KDM2A: variants seen among roughly 807,000 people sequenced by gnomAD.
KDM2A encodes the protein lysine demethylase 2A.
Under a neutral mutation model 137.3 loss-of-function variants are expected in KDM2A, and 3 were observed. That is an observed-to-expected ratio of 0.02 (90% confidence interval 0.01 to 0.06). The LOEUF (loss-of-function observed/expected upper bound fraction) is 0.06. KDM2A is among the 10% of genes least tolerant of loss of function. The pLI, the probability that KDM2A is intolerant of heterozygous loss-of-function variation, is 1.00. For synonymous variants in KDM2A, 512 were observed against 541.5 expected, an observed-to-expected ratio of 0.95 and a Z score of 0.76; for missense variants, 738 against 1,510.6, an observed-to-expected ratio of 0.49 and a Z score of 8.48.
At chr11:67,192,545 A>G (rs913900070) in intron 5 of KDM2A, among the ~76,000 whole-genome samples, 11 of 145,608 alleles carry the variant, frequency 7.6e-5, no homozygotes, top group African/African-American at 2.9e-4. Context: ...CCCAGGTTCA[A>G]GCGATTCTCC....
intron 2 of KDM2A, among the ~76,000 whole-genome samples, chr11:67,172,617 TGTGTGTGTG>T (rs999822328): frequency 1.4e-4 from 1 of 7,018 alleles, no homozygotes; most frequent in Non-Finnish European, 4.5e-4. Context: ...CTCTTATAGT[TGTGTGTGTG>T]TGTGTGTGTG....
At chr11:67,203,486 AT>A (rs1857708167) in intron 5 of KDM2A, among the ~76,000 whole-genome samples, 1 of 147,518 alleles carries the variant, frequency 6.8e-6, no homozygotes, top group Non-Finnish European at 1.5e-5. Context: ...ATTAATATAT[AT>A]TAATATATTT....
intron 2 of KDM2A, among the ~76,000 whole-genome samples, chr11:67,152,381 C>A (rs1451444193): frequency 6.6e-6 from 1 of 151,912 alleles, no homozygotes; most frequent in African/African-American, 2.4e-5. Flanking sequence ...TTTTGCGAGG[C>A]TGAGGTTGGA....
At chr11:67,140,198 T>C (rs2136292794) in intron 2 of KDM2A, among the ~76,000 whole-genome samples, 1 of 151,894 alleles carries the variant, frequency 6.6e-6, no homozygotes, top group African/African-American at 2.4e-5. Flanking sequence ...AAATCCCGTC[T>C]CTCCAAAAAA....
At chr11:67,140,208 A>G (rs1856066853) in intron 2 of KDM2A, among the ~76,000 whole-genome samples, 1 of 152,024 alleles carries the variant, frequency 6.6e-6, no homozygotes, top group Non-Finnish European at 1.5e-5. Flanking sequence ...TCTCCAAAAA[A>G]TACAAAAATT....
chr11:67,248,437 C>A (rs909515243), intron 16 of KDM2A, 67 bp downstream of exon 16: 29 of 1,119,590 alleles, frequency 2.6e-5, no homozygotes, highest in Non-Finnish European at 3.6e-5. Flanking sequence ...GATTGCTACA[C>A]GTTTGCCTTT....
At chr11:67,216,463 T>TTG (rs140690827) in intron 8 of KDM2A, among the ~76,000 whole-genome samples, 1 of 152,342 alleles carries the variant, frequency 6.6e-6, no homozygotes, top group East Asian at 1.9e-4. Flanking sequence ...ATATTCCAGC[T>TTG]TGTGAAAATG....
chr11:67,123,472 C>T (rs79791276), intron 2 of KDM2A, among the ~76,000 whole-genome samples: 98 of 151,880 alleles, frequency 6.5e-4, no homozygotes, highest in African/African-American at 2.2e-3. Context: ...AATATTGTAT[C>T]GTTGGGATTT....
At chr11:67,163,726 C>A (rs543377180) in intron 2 of KDM2A, among the ~76,000 whole-genome samples, 1 of 151,916 alleles carries the variant, frequency 6.6e-6, no homozygotes, top group African/African-American at 2.4e-5. Flanking sequence ...CGTGGTGGTG[C>A]GTACCTGTAA....
intron 5 of KDM2A, among the ~76,000 whole-genome samples, chr11:67,187,644 G>A (rs531373204): frequency 6.6e-6 from 1 of 151,504 alleles, no homozygotes; most frequent in Non-Finnish European, 1.5e-5. Context: ...GTGCAGTCTC[G>A]ACTCACTGCA....
At chr11:67,251,803 A>G (rs773824045) in intron 17 of KDM2A, among the ~76,000 whole-genome samples, 8 of 152,210 alleles carry the variant, frequency 5.3e-5, no homozygotes, top group Non-Finnish European at 8.8e-5. Context: ...AATAGACCCT[A>G]TTCTTTGCAA....
Position 67,254,570 on chromosome 11 carries a change from CT to C in KDM2A, c.3307+158del. On this transcript the variant is annotated intron_variant, in intron 20 of 20. Transcript: ENST00000529006. The surrounding 1 kb of genome is among the most constrained non-coding windows in gnomAD (Gnocchi z 4.7). Reference sequence around the variant, plus strand: ...TGGACAAGGACATGGATTTCTATCCCTTTTTTAACTGATGGGGGACTGAGGC... The same window carrying C: ...TGGACAAGGACATGGATTTCTATCCCTTTTTAACTGATGGGGGACTGAGGC... 4 of 715,518 alleles carry C rather than the reference CT, an allele frequency of 5.6e-6. No individual in the cohort carries two copies. The highest frequency in any genetic ancestry group is 9.4e-6 in the Non-Finnish European group (4 of 424,008). 44.3% of individuals were successfully genotyped at this position (715,518 alleles called of 1,614,324 possible).
chr11:67,254,995 C>T lies in KDM2A; in HGVS notation c.3429C>T (p.Asp1143=). 1 of 1,613,634 alleles carries T rather than the reference C, an allele frequency of 6.2e-7. No homozygotes were observed. The highest frequency in any genetic ancestry group is 8.5e-7 in the Non-Finnish European group (1 of 1,179,750). Residue 1143 remains aspartate (D), a synonymous_variant, in exon 21 of 21, where the codon GAC becomes GAT. Transcript: ENST00000529006. The surrounding 1 kb of genome is among the most constrained non-coding windows in gnomAD (Gnocchi z 4.7). The stretch of plus-strand genomic sequence containing the variant: ...AAGCCTGCGAGCACTTCATCTCAGA[C>T]TTGTCCATCAACAGCCTCTACTGCC... The part of the protein sequence containing the change: ...TRKACEHFIS[D]LSINSLYCLS...
At chr11:67,181,944 G>A (rs573341763) in intron 5 of KDM2A, 52 bp downstream of exon 5, 27 of 1,467,118 alleles carry the variant, frequency 1.8e-5, no homozygotes, top group Non-Finnish European at 2.6e-5. Flanking sequence ...TTAAGACTTA[G>A]GACTGAATTA....
At chr11:67,200,391 G>A (rs962290774) in intron 5 of KDM2A, among the ~76,000 whole-genome samples, 55 of 151,956 alleles carry the variant, frequency 3.6e-4, no homozygotes, top group African/African-American at 1.3e-3. Context: ...AATTTTTTTC[G>A]TATTTTTAGT....
In KDM2A at chr11:67,207,557, A is replaced by C. The variant is rs1188880432; in HGVS notation, c.355A>C (p.Ile119Leu). 6.2e-7 allele frequency: 1 copy of C among 1,613,688 alleles called. No individual in the cohort carries two copies. The highest frequency in any genetic ancestry group is 8.5e-7 in the Non-Finnish European group (1 of 1,179,710). The change falls in exon 6 of 21, where the codon ATT (isoleucine) becomes CTT (leucine). Residue 119 changes from isoleucine (I) to leucine (L), a missense_variant. By Grantham distance (5) the Ile-to-Leu change is conservative. This residue lies in a region of KDM2A where 74 missense variants were observed against 181.8 expected (regional missense o/e 0.41). Transcript: ENST00000529006. ...DVMDVNTQKGIEMTMAQWTRY... is the reference protein window; with the variant it reads ...DVMDVNTQKGLEMTMAQWTRY... ...CATGGACGTGAACACACAGAAAGGC[A>C]TTGAAATGACCATGGCTCAGTGGAC...
At chr11:67,121,648 G>C (rs1194843350) in intron 2 of KDM2A, among the ~76,000 whole-genome samples, 1 of 152,112 alleles carries the variant, frequency 6.6e-6, no homozygotes, top group African/African-American at 2.4e-5. Context: ...AAAGATTCCT[G>C]ATTTTACAGT....
In KDM2A at chr11:67,250,146, C is replaced by G; in HGVS notation, c.2116C>G (p.Arg706Gly). 1.2e-6 allele frequency: 2 copies of G among 1,612,892 alleles called. No homozygotes were observed. Among genetic ancestry groups the G allele is most frequent in the South Asian group, 1.1e-5 (1 of 90,924 alleles). ...AVQAKVLRPL[R>G]SCDEPLTPPP... is the part of the protein sequence containing the mutation. ...GCAAGCCAAAGTCCTGCGGCCCCTG[C>G]GGAGCTGCGATGAGCCTCTCACGCC... Residue 706 changes from arginine (R) to glycine (G), a missense_variant, in exon 17 of 21, where the codon CGG becomes GGG. Arg to Gly is a moderately radical substitution (Grantham distance 125). Transcript: ENST00000529006. The surrounding 1 kb of genome is among the most constrained non-coding windows in gnomAD (Gnocchi z 7.1).
intron 2 of KDM2A, among the ~76,000 whole-genome samples, chr11:67,160,603 C>T (rs1247062370): frequency 6.6e-6 from 1 of 152,068 alleles, no homozygotes; most frequent in Non-Finnish European, 1.5e-5. Context: ...GAAACTCCGT[C>T]TCTACTAAAA....
Sources: allele counts gnomAD v4.1 joint callset (sites outside exome capture counted in the v4.1 genomes callset), GRCh38; gene constraint gnomAD v4.1.1; regional missense constraint gnomAD v4.1.1; non-coding constraint Gnocchi (gnomAD v3.1); transcripts MANE v1.5; gene names NCBI Gene and HGNC (gene_info 2026-07-23, HGNC 2026-07-21).